Variants in ABCC4 observed in about 807,000 individuals in gnomAD.
ABCC4 encodes ATP binding cassette subfamily C member 4 (PEL blood group).
Under a neutral mutation model 168.5 loss-of-function variants are expected in ABCC4, and 102 were observed. The ratio of observed to expected loss-of-function variants is 0.61; its 90% CI spans 0.52 to 0.71. The LOEUF (loss-of-function observed/expected upper bound fraction) is 0.71, where lower values mean the gene tolerates loss of function less well. Among genes scored for constraint, ABCC4 ranks in the 30% least tolerant of loss-of-function variants. The pLI is 0.00. For missense variants in ABCC4, 1,402 were observed against 1,605.8 expected (o/e 0.87, Z 2.17); for synonymous variants, 617 against 590.7 (o/e 1.04, Z -0.65).
intron 1 of ABCC4, among the ~76,000 whole-genome samples, chr13:95,257,914 A>C (rs1469262253): frequency 6.6e-6 from 1 of 152,120 alleles, no homozygotes; most frequent in Non-Finnish European, 1.5e-5. Flanking sequence ...AATAAATATG[A>C]GTGTCTTTAA....
intron 19 of ABCC4, among the ~76,000 whole-genome samples, chr13:95,155,784 A>G (rs1254623237): frequency 6.6e-6 from 1 of 152,216 alleles, no homozygotes; most frequent in African/African-American, 2.4e-5. Context: ...CCAAATTAAC[A>G]AATTGAAAGC....
At chr13:95,202,424 G>A (rs1295822980) in intron 8 of ABCC4, among the ~76,000 whole-genome samples, 1 of 152,108 alleles carries the variant, frequency 6.6e-6, no homozygotes, top group African/African-American at 2.4e-5. Flanking sequence ...CTAAATAAGT[G>A]AGACAAAATA....
At chr13:95,134,360 G>T (rs780726649) in intron 19 of ABCC4, among the ~76,000 whole-genome samples, 59 of 152,216 alleles carry the variant, frequency 3.9e-4, no homozygotes, top group Non-Finnish European at 6.6e-4. Context: ...ATCAAGGGAA[G>T]TGGAGAAGGG....
chr13:95,234,558 ATGCTTCTGATGCTTCAGG>A (rs2039709406), intron 4 of ABCC4, 34 bp downstream of exon 4: 1 of 1,479,508 alleles, frequency 6.8e-7, no homozygotes, highest in Non-Finnish European at 9.4e-7. Flanking sequence ...CTTCCTCAGA[ATGCTTCTGATGCTTCAGG>A]TGAGGTACAT....
chr13:95,123,076 T>C (rs925197147), intron 19 of ABCC4, among the ~76,000 whole-genome samples: 2 of 152,246 alleles, frequency 1.3e-5, no homozygotes, highest in African/African-American at 4.8e-5. Flanking sequence ...TTCTCATTTT[T>C]TTCCCCAACT....
chr13:95,297,209 T>C lies in ABCC4; in HGVS notation c.74+4032A>G, dbSNP rs184307789. Among the ~76,000 whole-genome samples the C allele has an allele frequency of 2.3e-3, 344 of 147,158 alleles. 2 individuals carry two copies. The highest frequency in any genetic ancestry group is 8.1e-3 in the African/African-American group (323 of 39,912). ...TCACTTGAACCCTGGAGGCGGAGGT[T>C]GCAGTGAGCCGAGATCACACCACGG... On this transcript the variant is annotated intron_variant, in intron 1 of 30. Transcript: ENST00000645237.
At chr13:95,024,561 T>C (rs1451243120) in intron 30 of ABCC4, among the ~76,000 whole-genome samples, 1 of 152,220 alleles carries the variant, frequency 6.6e-6, no homozygotes, top group African/African-American at 2.4e-5. Context: ...CAACTGGGCT[T>C]TGATTGACAT....
At chr13:95,025,241 ACACACCCACACACACACACACC>A (rs2031390479) in intron 30 of ABCC4, among the ~76,000 whole-genome samples, 1 of 39,184 alleles carries the variant, frequency 2.6e-5, no homozygotes, top group African/African-American at 1.4e-4. Flanking sequence ...ACCCATACAC[ACACACCCACACACACACACACC>A]CCCACACCCC....
chr13:95,228,283 AT>A (rs918875330), intron 4 of ABCC4, among the ~76,000 whole-genome samples: 1 of 151,644 alleles, frequency 6.6e-6, no homozygotes, highest in Non-Finnish European at 1.5e-5. Flanking sequence ...CGGTGCATTT[AT>A]TTTTTTTACT....
intron 4 of ABCC4, among the ~76,000 whole-genome samples, chr13:95,216,949 C>T (rs1358515335): frequency 6.6e-6 from 1 of 152,110 alleles, no homozygotes; most frequent in Non-Finnish European, 1.5e-5. Context: ...TTGTAATATA[C>T]AAAAACTAGA....
chr13:95,070,459 G>T (rs190364301), intron 25 of ABCC4, among the ~76,000 whole-genome samples: 220 of 152,264 alleles, frequency 1.4e-3, no homozygotes, highest in Non-Finnish European at 2.7e-3. Flanking sequence ...TTCTGGTTTA[G>T]TTCCTTCAAG....
At chr13:95,186,528 A>G (rs2038064862) in intron 11 of ABCC4, among the ~76,000 whole-genome samples, 173 bp downstream of exon 11, 2 of 152,208 alleles carry the variant, frequency 1.3e-5, no homozygotes, top group African/African-American at 2.4e-5. Flanking sequence ...TTCGCATCAG[A>G]CGTAAAAGGA....
intron 20 of ABCC4, among the ~76,000 whole-genome samples, chr13:95,084,252 C>T (rs968551070): frequency 2.6e-5 from 4 of 152,096 alleles, no homozygotes; most frequent in African/African-American, 9.7e-5. Context: ...CACTGAGGCA[C>T]AGGGAGAAAA....
At chr13:95,288,676 C>G (rs976288013) in intron 1 of ABCC4, among the ~76,000 whole-genome samples, 2 of 151,746 alleles carry the variant, frequency 1.3e-5, no homozygotes, top group Non-Finnish European at 2.9e-5. Flanking sequence ...TGTCATGGCA[C>G]AAGCCTGTAA....
intron 27 of ABCC4, among the ~76,000 whole-genome samples, chr13:95,049,572 C>T (rs1193843935): frequency 1.3e-5 from 2 of 151,754 alleles, no homozygotes; most frequent in African/African-American, 2.4e-5. Flanking sequence ...ACCCGGGAGG[C>T]GGAGGTTGCA....
chr13:95,237,199 T>C (rs921731669), intron 3 of ABCC4, among the ~76,000 whole-genome samples: 1 of 152,150 alleles, frequency 6.6e-6, no homozygotes, highest in Non-Finnish European at 1.5e-5. Flanking sequence ...ATTGTCCAGA[T>C]TTCCCTGCCG....
At chr13:95,032,411 A>G (rs1265029086) in intron 30 of ABCC4, among the ~76,000 whole-genome samples, 1 of 152,204 alleles carries the variant, frequency 6.6e-6, no homozygotes, top group African/African-American at 2.4e-5. Flanking sequence ...TTTGGCTTAT[A>G]TTGTCAATGA....
intron 27 of ABCC4, among the ~76,000 whole-genome samples, chr13:95,049,549 G>A (rs1355318408): frequency 2.0e-5 from 3 of 152,132 alleles, no homozygotes; most frequent in South Asian, 2.1e-4. Context: ...GCTGAGGCAG[G>A]AGAATCGCTT....
At chr13:95,229,374 T>C (rs184448879) in intron 4 of ABCC4, among the ~76,000 whole-genome samples, 2 of 152,296 alleles carry the variant, frequency 1.3e-5, no homozygotes, top group African/African-American at 4.8e-5. Flanking sequence ...CTAAAGAAAG[T>C]GAAGACGAGC....
Sources: allele counts gnomAD v4.1 joint callset (sites outside exome capture counted in the v4.1 genomes callset), GRCh38; gene constraint gnomAD v4.1.1; transcripts MANE v1.5; gene names NCBI Gene and HGNC (gene_info 2026-07-23, HGNC 2026-07-21).